Variants in CD55 observed in about 807,000 individuals in gnomAD.
The protein encoded by CD55 is complement decay-accelerating factor.
In CD55, 41 loss-of-function variants were observed where a neutral mutation model predicts 45.8. That is an observed-to-expected ratio of 0.90 (90% CI 0.70 to 1.16). CD55 has a LOEUF of 1.16. CD55 is among the 50% of genes most tolerant of loss of function. The pLI is 0.00. For synonymous variants in CD55, 181 were observed against 181.1 expected (o/e 1.00, Z 0.01); for missense variants, 416 against 469.8 (o/e 0.89, Z 1.06).
chr1:207,321,785 G>A lies in CD55; in HGVS notation c.20G>A (p.Ser7Asn). ...CGCGCCATGACCGTCGCGCGGCCGA[G>A]CGTGCCCGCGGCGCTGCCCCTCCTC... MTVARP[S>N]VPAALPLLGE... Residue 7 changes from serine (S) to asparagine (N), a missense_variant, in exon 1 of 10, where the codon AGC becomes AAC. Transcript: ENST00000367064. 6.6e-7 allele frequency: 1 copy of A among 1,521,920 alleles called. No individual in the cohort carries two copies. The allele number at this position is 1,521,920 out of a possible 1,614,324, so 94.3% of individuals were successfully genotyped here. A position where few individuals can be genotyped will look rare whatever the true frequency, so the allele number is the denominator to read the frequency against.
At chr1:207,358,551 A>G (rs1656165691) in intron 9 of CD55, 1 of 152,182 alleles carries the variant, frequency 6.6e-6, no homozygotes, top group Non-Finnish European at 1.5e-5. Context: ...AAAGTACTCA[A>G]TGTTGTGTTT....
rs754631048 is a variant in CD55, at chr1:207,350,023, G to A, written c.1082-9523G>A. ...TCCTGGCGGCTCTTATTATTTTGTG[G>A]TATGTTCCTTTGATGCCTAGTTTGT... On this transcript the variant is annotated intron_variant, in intron 9 of 9. Transcript: ENST00000367064. 25 of 437,674 alleles carry A rather than the reference G, an allele frequency of 5.7e-5. No homozygotes were observed. In the Middle Eastern group the frequency reaches 1.3e-3, roughly 23 times the overall value. The allele number at this position is 437,674 out of a possible 1,614,324, so 27.1% of individuals were successfully genotyped here.
chr1:207,356,351 T>C lies in CD55; in HGVS notation c.1082-3195T>C, dbSNP rs149106277. 4.2e-3 allele frequency among the ~76,000 whole-genome samples: 635 copies of C among 152,346 alleles called. 5 individuals are homozygous for C. Among genetic ancestry groups the C allele is most frequent in the African/African-American group, 0.014 (600 of 41,568 alleles). On this transcript the variant is annotated intron_variant, in intron 9 of 9. Coordinates refer to ENST00000367064, the MANE Select transcript of CD55 (RefSeq NM_000574.5). ...TATTCATTTTTGTCTGTAATTACTA[T>C]CCTGGATTAACAGACTTCATGTCTG...
intron 6 of CD55, among the ~76,000 whole-genome samples, chr1:207,335,954 G>A (rs1655153795): frequency 1.3e-5 from 2 of 152,228 alleles, no homozygotes; most frequent in Admixed American, 1.3e-4. Flanking sequence ...TTAGGGACTT[G>A]CTAGAGCTCA....
chr1:207,330,271 TTAAG>T (rs1490154037), intron 5 of CD55, among the ~76,000 whole-genome samples: 1 of 152,072 alleles, frequency 6.6e-6, no homozygotes, highest in Non-Finnish European at 1.5e-5. Flanking sequence ...TTCTGTGTTC[TTAAG>T]TATGTTTGGT....
At chr1:207,324,290 C>T (rs1455210401) in intron 2 of CD55, among the ~76,000 whole-genome samples, 1 of 151,510 alleles carries the variant, frequency 6.6e-6, no homozygotes, top group Non-Finnish European at 1.5e-5. Flanking sequence ...CTGGGCCAGG[C>T]AACTTAAATT....
rs1437513028 is a variant in CD55 at position 207,350,114 on chromosome 1, A to C, written c.1082-9432A>C. 6 of 454,726 alleles carry C rather than the reference A, an allele frequency of 1.3e-5. No homozygotes were observed. The East Asian group carries it at 4.2e-4, about 32-fold the overall frequency. The allele number at this position is 454,726 out of a possible 1,614,324, so 28.2% of individuals were successfully genotyped here. ...AGCCTTTTCTACAACAATTGAGATG[A>C]TCATGTGGTTTTTTTGTTTGTAGTT... On this transcript the variant is annotated intron_variant, in intron 9 of 9. Transcript: ENST00000367064.
At chr1:207,335,561 T>C (rs1655135625) in intron 6 of CD55, among the ~76,000 whole-genome samples, 1 of 152,210 alleles carries the variant, frequency 6.6e-6, no homozygotes, top group African/African-American at 2.4e-5. Flanking sequence ...AAGAATAATT[T>C]AGAATAGTTT....
chr1:207,333,148 G>A (rs1326623184), intron 6 of CD55, among the ~76,000 whole-genome samples: 1 of 152,198 alleles, frequency 6.6e-6, no homozygotes, highest in Non-Finnish European at 1.5e-5. Flanking sequence ...AGAACCTGAT[G>A]GTATTTGGAT....
At chr1:207,355,589 A>C (rs1656047879) in intron 9 of CD55, among the ~76,000 whole-genome samples, 1 of 152,188 alleles carries the variant, frequency 6.6e-6, no homozygotes, top group Admixed American at 6.5e-5. Flanking sequence ...AGGCAAAGTA[A>C]ATATAGTTTG....
chr1:207,345,219 CTT>C (rs1655584549), intron 9 of CD55, among the ~76,000 whole-genome samples: 1 of 152,066 alleles, frequency 6.6e-6, no homozygotes, highest in Admixed American at 6.6e-5. Flanking sequence ...GTCATGTAAA[CTT>C]TGCCCATTTT....
chr1:207,324,079 C>G (rs1233224095), intron 2 of CD55, among the ~76,000 whole-genome samples: 1 of 152,104 alleles, frequency 6.6e-6, no homozygotes, highest in Non-Finnish European at 1.5e-5. Context: ...GGTGTAAATA[C>G]TTTATGTATA....
chr1:207,340,752 A>G (rs1655392042), intron 9 of CD55: 4 of 458,806 alleles, frequency 8.7e-6, no homozygotes, highest in Middle Eastern at 5.0e-4. Flanking sequence ...TTCAATAAAT[A>G]TGTGAATGCA....
intron 9 of CD55, among the ~76,000 whole-genome samples, chr1:207,349,345 G>C (rs1393140100): frequency 6.6e-6 from 1 of 151,912 alleles, no homozygotes; most frequent in African/African-American, 2.4e-5. Context: ...ACCACACCCA[G>C]CTAATTTTTG....
intron 9 of CD55, chr1:207,347,448 G>GACGGTGTTTC (rs1444152240): frequency 5.8e-6 from 2 of 347,292 alleles, no homozygotes; most frequent in Non-Finnish European, 1.1e-5. Flanking sequence ...TTTCAGTAGA[G>GACGGTGTTTC]ACGGTGTTTC....
chr1:207,339,402 A>G lies in CD55; in HGVS notation c.1066A>G (p.Thr356Ala), dbSNP rs753716038. ...TTTTTCCCCTTCGTCTGTAGGTACT[A>G]CCCGTCTTCTATCTGGTAAGTTTGG... ...NKGSGTTSGT[T>A]RLLSGHTCFT... Residue 356 changes from threonine to alanine, a missense_variant, in exon 9 of 10, where the codon ACC becomes GCC. Physicochemically the swap from Thr to Ala is moderately conservative, Grantham distance 58. Around this residue, in one of 3 missense-constraint regions of CD55, gnomAD observed 182 missense variants for 201.4 expected, o/e 0.90. Transcript: ENST00000367064. 20 of 1,606,992 alleles carry G rather than the reference A, an allele frequency of 1.2e-5. No homozygotes were observed. The South Asian group carries it at 1.9e-4, about 15-fold the overall frequency.
At chr1:207,354,452 A>C (rs918167074) in intron 9 of CD55, among the ~76,000 whole-genome samples, 1 of 152,222 alleles carries the variant, frequency 6.6e-6, no homozygotes, top group African/African-American at 2.4e-5. Context: ...TGTTTTCAAC[A>C]CTGCAATACA....
At chr1:207,358,040 A>G (rs1572905950) in intron 9 of CD55, among the ~76,000 whole-genome samples, 1 of 152,222 alleles carries the variant, frequency 6.6e-6, no homozygotes, top group East Asian at 1.9e-4. Context: ...CTGAAACCAC[A>G]GATAAGCAGA....
chr1:207,359,748 G>T lies in CD55; in HGVS notation c.*138G>T. The T allele has an allele frequency of 8.4e-7, 1 of 1,191,246 alleles. No individual in the cohort carries two copies. The highest frequency in any genetic ancestry group is 2.1e-5 in the South Asian group (1 of 48,326). 73.8% of individuals were successfully genotyped at this position (1,191,246 alleles called of 1,614,324 possible). ...CTTTCATTGTCTTTAAGATGTGTTA[G>T]GAATGTCAACAGAGCAAGGAGAAAA... On this transcript the variant is annotated 3_prime_UTR_variant, in exon 10 of 10. Coordinates refer to ENST00000367064, the MANE Select transcript of CD55 (RefSeq NM_000574.5).
Sources: gnomAD v4.1 joint callset for allele counts (sites outside exome capture counted in the v4.1 genomes callset) on GRCh38, gnomAD v4.1.1 for gene constraint, gnomAD v4.1.1 regional missense constraint, MANE v1.5 for transcripts, NCBI Gene and HGNC (gene_info 2026-07-23, HGNC 2026-07-21) for gene names.